The following VWA8 variants were observed in gnomAD, a reference collection of about 807,000 sequenced individuals.
VWA8 encodes von Willebrand factor A domain-containing protein 8.
Under a neutral mutation model 241.5 loss-of-function variants are expected in VWA8, and 221 were observed. The observed-to-expected ratio is 0.91, with a 90% CI of 0.82 to 1.02. The LOEUF (loss-of-function observed/expected upper bound fraction) is 1.02. Ranked by LOEUF, VWA8 falls within the 50% of genes least tolerant of loss-of-function variation. VWA8 has a pLI of 0.00. For missense variants in VWA8, 2,322 were observed against 2,328.7 expected (o/e 1.00, Z 0.06); for synonymous variants, 852 against 827.1 (o/e 1.03, Z -0.52).
chr13:41,573,485 AAATAT>A (rs1242869495), intron 43 of VWA8, among the ~76,000 whole-genome samples: 12 of 119,888 alleles, frequency 1.0e-4, no homozygotes, highest in Non-Finnish European at 1.4e-4. Context: ...AAAAAAAAAA[AAATAT>A]ATATATATAT....
chr13:41,928,265 T>G (rs945380258), intron 2 of VWA8, among the ~76,000 whole-genome samples: 3 of 152,178 alleles, frequency 2.0e-5, no homozygotes, highest in Non-Finnish European at 4.4e-5. Context: ...AACAGACATA[T>G]TTGAAATTTT....
intron 14 of VWA8, among the ~76,000 whole-genome samples, chr13:41,826,622 C>A (rs571490358): frequency 6.6e-6 from 1 of 152,208 alleles, no homozygotes; most frequent in East Asian, 1.9e-4. Context: ...ATATTGCCAG[C>A]ACTTTGGGAG....
intron 9 of VWA8, among the ~76,000 whole-genome samples, chr13:41,882,333 C>G (rs2138073676): frequency 6.6e-6 from 1 of 150,676 alleles, no homozygotes; most frequent in Non-Finnish European, 1.5e-5. Context: ...GGCAGCCAGG[C>G]AGAGGGGCTC....
At chr13:41,714,956 T>C (rs1021768336) in intron 26 of VWA8, among the ~76,000 whole-genome samples, 2 of 151,948 alleles carry the variant, frequency 1.3e-5, no homozygotes, top group African/African-American at 4.8e-5. Flanking sequence ...ACTACTCTGA[T>C]CTAGAAATTC....
At chr13:41,739,268 G>C (rs565509259) in intron 21 of VWA8, among the ~76,000 whole-genome samples, 3 of 152,044 alleles carry the variant, frequency 2.0e-5, no homozygotes, top group Non-Finnish European at 4.4e-5. Flanking sequence ...TTTGTCACAG[G>C]CAATTCAAAG....
intron 18 of VWA8, among the ~76,000 whole-genome samples, chr13:41,784,715 T>TACAC (rs1869080213): frequency 6.4e-5 from 4 of 62,852 alleles, no homozygotes; most frequent in Non-Finnish European, 1.5e-4. Flanking sequence ...TATATATATA[T>TACAC]ATATATATAT....
At chr13:41,644,634 C>T (rs968119527) in intron 37 of VWA8, among the ~76,000 whole-genome samples, 20 of 152,214 alleles carry the variant, frequency 1.3e-4, no homozygotes, top group African/African-American at 4.8e-4. Context: ...CGGGGGATGG[C>T]CTCCTGTGCA....
At chr13:41,865,138 A>C (rs1873227719) in intron 12 of VWA8, among the ~76,000 whole-genome samples, 1 of 152,174 alleles carries the variant, frequency 6.6e-6, no homozygotes, top group African/African-American at 2.4e-5. Flanking sequence ...ATTACTAGTA[A>C]ATGTATTCTG....
chr13:41,648,541 G>A (rs2044847845), intron 37 of VWA8, among the ~76,000 whole-genome samples: 1 of 152,130 alleles, frequency 6.6e-6, no homozygotes, highest in East Asian at 1.9e-4. Context: ...GAACTTTCCC[G>A]AATGTAAACA....
At chr13:41,755,386 G>A (rs529577863) in intron 21 of VWA8, among the ~76,000 whole-genome samples, 31 of 151,800 alleles carry the variant, frequency 2.0e-4, no homozygotes, top group African/African-American at 6.3e-4. Context: ...AATATTGTTG[G>A]AGATACTTAG....
intron 8 of VWA8, 28 bp from the exon 9 acceptor site, chr13:41,883,519 T>C: frequency 6.6e-7 from 1 of 1,523,906 alleles, no homozygotes; most frequent in Non-Finnish European, 9.1e-7. Flanking sequence ...TACATAGGAA[T>C]GAGCAAAATT....
At chr13:41,840,418 T>C (rs1200689236) in intron 12 of VWA8, among the ~76,000 whole-genome samples, 1 of 152,070 alleles carries the variant, frequency 6.6e-6, no homozygotes, top group African/African-American at 2.4e-5. Flanking sequence ...TATACCTATG[T>C]AACAAACCTG....
At position 41,887,220 on chromosome 13, in the gene VWA8, C is replaced by T. The variant is rs766548324; in HGVS notation, c.793G>A (p.Asp265Asn). The T allele has an allele frequency of 1.9e-6, 3 of 1,612,754 alleles. No homozygotes were observed. The African/African-American group carries it at 4.0e-5, about 22-fold the overall frequency. ...PPLRSRFQAR[D>N]IYYLPFKDQL... The stretch of plus-strand genomic sequence containing the variant: ...ACCTTGAAGGGTAAATAATAAATAT[C>T]CCTGGCTTGAAATCGAGAACGAAGA... Residue 265 changes from aspartate to asparagine, a missense_variant, in exon 6 of 45, where the codon GAT (aspartate) becomes AAT (asparagine). Physicochemically the swap from Asp to Asn is conservative, Grantham distance 23. Coordinates refer to ENST00000379310, the MANE Select transcript of VWA8 (RefSeq NM_015058.2).
chr13:41,635,030 T>C (rs899763086), intron 37 of VWA8, among the ~76,000 whole-genome samples: 2 of 152,180 alleles, frequency 1.3e-5, no homozygotes, highest in Admixed American at 1.3e-4. Flanking sequence ...ATGACTTATC[T>C]TCTCTTAGTT....
chr13:41,620,745 T>C (rs2044651554), intron 37 of VWA8, among the ~76,000 whole-genome samples: 1 of 152,224 alleles, frequency 6.6e-6, no homozygotes, highest in African/African-American at 2.4e-5. Flanking sequence ...ATATCTTTCA[T>C]GGTGACATTT....
chr13:41,642,664 C>T (rs540902762), intron 37 of VWA8, among the ~76,000 whole-genome samples: 3 of 151,424 alleles, frequency 2.0e-5, no homozygotes, highest in South Asian at 4.2e-4. Context: ...CGTGGTGGCT[C>T]ACACCCGTAA....
chr13:41,943,893 G>A (rs1877715394), intron 2 of VWA8, among the ~76,000 whole-genome samples: 1 of 152,084 alleles, frequency 6.6e-6, no homozygotes, highest in Admixed American at 6.5e-5. Flanking sequence ...CCTGAGGTCA[G>A]GAGTTCAAGA....
chr13:41,960,452 G>A lies in VWA8; in HGVS notation c.163+401C>T, dbSNP rs551392843. 4.6e-5 allele frequency among the ~76,000 whole-genome samples: 7 copies of A among 152,308 alleles called. No homozygotes were observed. The South Asian group carries it at 1.5e-3, about 32-fold the overall frequency. On this transcript the variant is annotated intron_variant, in intron 1 of 44. Transcript: ENST00000379310. ...CCCTGGCTAGAACATGACACAGACC[G>A]GCTTCCAGGCCCTTGAGGCTCAGAG... is the stretch of plus-strand genomic sequence containing the variant.
chr13:41,737,276 A>C (rs766473687), intron 21 of VWA8, among the ~76,000 whole-genome samples: 18 of 152,362 alleles, frequency 1.2e-4, no homozygotes, highest in Admixed American at 3.3e-4. Flanking sequence ...CTTGGTATCA[A>C]GAACATAACT....
Sources: gnomAD v4.1 joint callset for allele counts (sites outside exome capture counted in the v4.1 genomes callset) on GRCh38, gnomAD v4.1.1 for gene constraint, MANE v1.5 for transcripts, NCBI Gene and HGNC (gene_info 2026-07-23, HGNC 2026-07-21) for gene names.